TOX: variants seen among roughly 807,000 people sequenced by gnomAD.
The protein encoded by TOX is thymocyte selection associated high mobility group box, also known as thymocyte selection-associated high mobility group box protein TOX.
Under a neutral mutation model 53.7 loss-of-function variants are expected in TOX, and 11 were observed. That is an observed-to-expected ratio of 0.20 (90% CI 0.13 to 0.34). The LOEUF (loss-of-function observed/expected upper bound fraction) is 0.34, where lower values mean the gene tolerates loss of function less well. Among genes scored for constraint, TOX ranks in the 10% least tolerant of loss-of-function variants. TOX has a pLI of 1.00. For missense variants in TOX, 570 were observed against 664.6 expected (o/e 0.86, Z 1.56); for synonymous variants, 225 against 245.3 (o/e 0.92, Z 0.77).
chr8:59,107,816 C>A (rs1219766766), intron 1 of TOX, among the ~76,000 whole-genome samples: 1 of 152,070 alleles, frequency 6.6e-6, no homozygotes, highest in African/African-American at 2.4e-5. Flanking sequence ...GTTTTTAAAG[C>A]ATATTAGATA....
chr8:59,044,247 G>A (rs1226099822), intron 1 of TOX, among the ~76,000 whole-genome samples: 77 of 112,044 alleles, frequency 6.9e-4, no homozygotes, highest in African/African-American at 3.0e-3. Context: ...AAAAAAAAAA[G>A]GTGGACGACA....
intron 6 of TOX, among the ~76,000 whole-genome samples, chr8:58,816,612 G>A (rs1429802893): frequency 7.2e-5 from 11 of 151,982 alleles, no homozygotes. Context: ...AGAACCAACT[G>A]GAAGGAAAAA....
At chr8:59,044,230 CAAAA>C (rs78904701) in intron 1 of TOX, among the ~76,000 whole-genome samples, 2 of 114,092 alleles carry the variant, frequency 1.8e-5, no homozygotes, top group Non-Finnish European at 3.7e-5. Flanking sequence ...TGGCACTCAT[CAAAA>C]AAAAAAAAAA....
chr8:59,073,904 C>T lies in TOX; in HGVS notation c.102+44982G>A, dbSNP rs189209450. Among the ~76,000 whole-genome samples the T allele has an allele frequency of 1.1e-4, 17 of 152,240 alleles. No individual in the cohort carries two copies. In the East Asian group the frequency reaches 1.9e-3, roughly 17 times the overall value. ...GGTCCAGTGTGACTTGCGGATATTA[C>T]GAAAAACAAAGCATTACTTTTCAAA... On this transcript the variant is annotated intron_variant, in intron 1 of 8. Transcript: ENST00000361421.
chr8:59,044,495 C>T (rs981156646), intron 1 of TOX, among the ~76,000 whole-genome samples: 8 of 152,146 alleles, frequency 5.3e-5, no homozygotes, highest in Non-Finnish European at 1.0e-4. Context: ...CTCCAAAATC[C>T]TGGAGGAGAC....
intron 1 of TOX, among the ~76,000 whole-genome samples, chr8:59,039,277 T>C (rs754846946): frequency 3.3e-5 from 5 of 152,250 alleles, no homozygotes; most frequent in Non-Finnish European, 7.3e-5. Context: ...ATTGCAAGTG[T>C]ATTGTTCACA....
intron 1 of TOX, among the ~76,000 whole-genome samples, chr8:59,073,945 TC>T (rs1237008589): frequency 2.0e-5 from 3 of 152,210 alleles, no homozygotes; most frequent in Non-Finnish European, 2.9e-5. Flanking sequence ...TAAAGCATTA[TC>T]CCATTTCCTC....
chr8:59,069,420 T>C (rs1297606284), intron 1 of TOX, among the ~76,000 whole-genome samples: 1 of 152,148 alleles, frequency 6.6e-6, no homozygotes, highest in Non-Finnish European at 1.5e-5. Flanking sequence ...ATGCAGGATA[T>C]TGAATTATAG....
At chr8:59,098,656 C>A (rs1804754075) in intron 1 of TOX, among the ~76,000 whole-genome samples, 1 of 152,154 alleles carries the variant, frequency 6.6e-6, no homozygotes, top group Non-Finnish European at 1.5e-5. Context: ...AATCTGTGAA[C>A]AGGACAGGAA....
chr8:58,959,124 C>A (rs1255764485), intron 2 of TOX, among the ~76,000 whole-genome samples: 1 of 152,142 alleles, frequency 6.6e-6, no homozygotes, highest in Non-Finnish European at 1.5e-5. Flanking sequence ...AAGTTTGTGT[C>A]AACAAAATGC....
chr8:58,911,662 T>G (rs1811909220), intron 3 of TOX, among the ~76,000 whole-genome samples: 1 of 152,182 alleles, frequency 6.6e-6, no homozygotes, highest in South Asian at 2.1e-4. Flanking sequence ...AAGGCATCTC[T>G]GAGCAGAAAA....
intron 1 of TOX, among the ~76,000 whole-genome samples, chr8:59,029,271 C>T (rs990115045): frequency 9.7e-5 from 14 of 143,592 alleles, no homozygotes; most frequent in African/African-American, 3.3e-4. Context: ...TGTATTCAGT[C>T]GCTGTACAGT....
At chr8:58,992,233 C>T (rs1205112878) in intron 1 of TOX, 1 of 152,120 alleles carries the variant, frequency 6.6e-6, no homozygotes. Flanking sequence ...TTCTAATGGG[C>T]GAGCTGCTTA....
chr8:58,915,889 GA>G (rs1812010391), intron 3 of TOX, among the ~76,000 whole-genome samples: 1 of 101,540 alleles, frequency 9.8e-6, no homozygotes, highest in Admixed American at 1.1e-4. Flanking sequence ...CAAGGCTCGA[GA>G]ACTACGTGAA....
At chr8:59,083,377 C>T (rs1804446232) in intron 1 of TOX, among the ~76,000 whole-genome samples, 1 of 152,052 alleles carries the variant, frequency 6.6e-6, no homozygotes, top group Non-Finnish European at 1.5e-5. Context: ...ATCAAAGGGT[C>T]CTCCTATCAA....
intron 3 of TOX, among the ~76,000 whole-genome samples, chr8:58,927,161 T>C (rs985140031): frequency 2.0e-5 from 3 of 152,078 alleles, no homozygotes; most frequent in Non-Finnish European, 4.4e-5. Flanking sequence ...AAATGTAGGA[T>C]CTCTCGTTTT....
At chr8:59,009,071 C>T (rs1020531269) in intron 1 of TOX, among the ~76,000 whole-genome samples, 3 of 151,370 alleles carry the variant, frequency 2.0e-5, no homozygotes, top group Non-Finnish European at 4.4e-5. Flanking sequence ...TCTTCCTTTC[C>T]TGTTTCCTTC....
intron 1 of TOX, among the ~76,000 whole-genome samples, chr8:59,023,324 C>A (rs1423156069): frequency 6.6e-6 from 1 of 152,232 alleles, no homozygotes; most frequent in Non-Finnish European, 1.5e-5. Flanking sequence ...TTCACACTCT[C>A]ATGAGCTGTG....
chr8:58,907,400 C>T lies in TOX; in HGVS notation c.411+31902G>A, dbSNP rs1407840632. Reference sequence around the variant, plus strand: ...CCTGAGGTCAGGAGTTTGAGACCAGCCTGACCAACATGGTGAAACTTCATC... The same window carrying T: ...CCTGAGGTCAGGAGTTTGAGACCAGTCTGACCAACATGGTGAAACTTCATC... On this transcript the variant is annotated intron_variant, in intron 3 of 8. Coordinates refer to ENST00000361421, the MANE Select transcript of TOX (RefSeq NM_014729.3). Among the ~76,000 whole-genome samples the T allele has an allele frequency of 4.6e-5, 7 of 152,056 alleles. No individual in the cohort carries two copies. The South Asian group carries it at 6.2e-4, about 14-fold the overall frequency.
Sources: allele counts gnomAD v4.1 joint callset (sites outside exome capture counted in the v4.1 genomes callset), GRCh38; gene constraint gnomAD v4.1.1; transcripts MANE v1.5; gene names NCBI Gene and HGNC (gene_info 2026-07-23, HGNC 2026-07-21).